MLLT3: variants seen among roughly 807,000 people sequenced by gnomAD.
MLLT3 encodes the protein protein AF-9.
Under a neutral mutation model 53.2 loss-of-function variants are expected in MLLT3, and 4 were observed. The ratio of observed to expected loss-of-function variants is 0.08; its 90% CI spans 0.04 to 0.17. MLLT3 has a LOEUF of 0.17. MLLT3 is among the 10% of genes least tolerant of loss of function. The probability of loss-of-function intolerance (pLI) is 1.00; values close to 1 mark genes in which losing one functional copy is unlikely to be tolerated. For missense variants in MLLT3, 569 were observed against 684.0 expected (o/e 0.83, Z 1.87); for synonymous variants, 283 against 230.6 (o/e 1.23, Z -2.06).
At chr9:20,542,785 T>C (rs1011459852) in intron 2 of MLLT3, among the ~76,000 whole-genome samples, 1 of 152,226 alleles carries the variant, frequency 6.6e-6, no homozygotes, top group African/African-American at 2.4e-5. Flanking sequence ...AAGCTAGGCA[T>C]TGACTCCTCA....
At chr9:20,509,333 A>C (rs999617732) in intron 2 of MLLT3, among the ~76,000 whole-genome samples, 3 of 152,208 alleles carry the variant, frequency 2.0e-5, no homozygotes, top group Admixed American at 6.5e-5. Context: ...ACTGAAAGGT[A>C]TATTTATTCT....
intron 2 of MLLT3, among the ~76,000 whole-genome samples, chr9:20,506,966 T>G (rs754275871): frequency 8.5e-5 from 13 of 152,194 alleles, no homozygotes; most frequent in Non-Finnish European, 1.8e-4. Flanking sequence ...AAAACGAATC[T>G]TTCTCAAACA....
rs182082159 is a variant in MLLT3 at position 20,586,491 on chromosome 9, G to C, written c.193+34163C>G. ...CGTACATAACCCCTAGAAAATCACT[G>C]GGGGGCTTAGGGGTGGCAGTGGACT... is the stretch of plus-strand genomic sequence containing the variant. On this transcript the variant is annotated intron_variant, in intron 2 of 10. Transcript: ENST00000380338. 9.8e-4 allele frequency among the ~76,000 whole-genome samples: 149 copies of C among 152,004 alleles called. 1 individual carries two copies. The highest frequency in any genetic ancestry group is 6.9e-3 in the Middle Eastern group (2 of 288).
At chr9:20,412,449 C>T (rs561370859) in intron 5 of MLLT3, among the ~76,000 whole-genome samples, 34 of 152,206 alleles carry the variant, frequency 2.2e-4, no homozygotes, top group Admixed American at 7.8e-4. Flanking sequence ...ACCAAAATTT[C>T]GAGATTAGCT....
chr9:20,578,715 T>C (rs1037814883), intron 2 of MLLT3, among the ~76,000 whole-genome samples: 2 of 152,030 alleles, frequency 1.3e-5, no homozygotes, highest in African/African-American at 2.4e-5. Flanking sequence ...TATGATCAAT[T>C]ACTAGAAAAC....
At chr9:20,488,074 A>AAATCTG (rs1824857280) in intron 2 of MLLT3, among the ~76,000 whole-genome samples, 1 of 152,146 alleles carries the variant, frequency 6.6e-6, no homozygotes. Flanking sequence ...TAAATAAATT[A>AAATCTG]AATCTGATAC....
intron 2 of MLLT3, among the ~76,000 whole-genome samples, chr9:20,479,303 T>G (rs1824604268): frequency 6.6e-6 from 1 of 152,158 alleles, no homozygotes; most frequent in African/African-American, 2.4e-5. Context: ...GCAATTACTG[T>G]GAAGGGGTAT....
chr9:20,575,201 G>A (rs901935189), intron 2 of MLLT3, among the ~76,000 whole-genome samples: 3 of 152,024 alleles, frequency 2.0e-5, no homozygotes, highest in Non-Finnish European at 2.9e-5. Flanking sequence ...ACTCCTATTC[G>A]TGTTAATGTT....
chr9:20,347,400 C>T (rs1374237099), intron 10 of MLLT3, among the ~76,000 whole-genome samples: 4 of 152,008 alleles, frequency 2.6e-5, no homozygotes, highest in African/African-American at 9.7e-5. Context: ...GAAAGGATGC[C>T]TTTGTCTTGT....
intron 5 of MLLT3, among the ~76,000 whole-genome samples, chr9:20,399,040 A>G (rs1159006640): frequency 2.0e-5 from 3 of 152,138 alleles, no homozygotes; most frequent in African/African-American, 7.2e-5. Context: ...AATTTATGCA[A>G]CTTGCTTACT....
At chr9:20,510,849 A>G (rs1825517376) in intron 2 of MLLT3, among the ~76,000 whole-genome samples, 1 of 152,178 alleles carries the variant, frequency 6.6e-6, no homozygotes, top group Non-Finnish European at 1.5e-5. Flanking sequence ...GAACTAAAGC[A>G]CCAGCATTTA....
rs78969198 is a variant in MLLT3, at chr9:20,545,342, G to A, written c.193+75312C>T. Among the ~76,000 whole-genome samples, 1,625 of 152,244 alleles carry A rather than the reference G, an allele frequency of 0.011. 65 individuals are homozygous for A. In the East Asian group the frequency reaches 0.15, roughly 14 times the overall value. On this transcript the variant is annotated intron_variant, in intron 2 of 10. Coordinates refer to ENST00000380338, the MANE Select transcript of MLLT3 (RefSeq NM_004529.4). ...TACCACATGATCCCACTTACATGAG[G>A]CATTTACAGTGGTCAAACTCACAGA... is the stretch of plus-strand genomic sequence containing the variant.
intron 7 of MLLT3, among the ~76,000 whole-genome samples, chr9:20,362,050 G>A (rs1420723543): frequency 6.6e-6 from 1 of 152,220 alleles, no homozygotes; most frequent in African/African-American, 2.4e-5. Context: ...TTTAAAATGT[G>A]TCTTGAGTGA....
Position 20,533,331 on chromosome 9 carries a change from C to G in MLLT3, c.194-76545G>C, listed in dbSNP as rs550222884. 31 of 282,094 alleles carry G rather than the reference C, an allele frequency of 1.1e-4. No homozygotes were observed. In the South Asian group the frequency reaches 1.3e-3, roughly 12 times the overall value. 17.5% of individuals were successfully genotyped at this position (282,094 alleles called of 1,614,324 possible). ...AAAGGCTAAAGAACTTGCCACCAAA[C>G]TGGGTTAAATGTACACTGTTGAGTT... On this transcript the variant is annotated intron_variant, in intron 2 of 10. Coordinates refer to ENST00000380338, the MANE Select transcript of MLLT3 (RefSeq NM_004529.4).
intron 2 of MLLT3, among the ~76,000 whole-genome samples, chr9:20,498,962 C>A (rs919011143): frequency 6.6e-6 from 1 of 152,144 alleles, no homozygotes; most frequent in African/African-American, 2.4e-5. Flanking sequence ...GGAATTTAAC[C>A]ATTCATGCTA....
At chr9:20,527,074 A>C (rs1818221592) in intron 2 of MLLT3, among the ~76,000 whole-genome samples, 1 of 152,170 alleles carries the variant, frequency 6.6e-6, no homozygotes, top group Non-Finnish European at 1.5e-5. Flanking sequence ...TATGAACATG[A>C]TACACACAGG....
intron 2 of MLLT3, among the ~76,000 whole-genome samples, chr9:20,547,644 CAA>C (rs71334534): frequency 8.1e-6 from 1 of 122,810 alleles, no homozygotes. Context: ...AACTCCATCT[CAA>C]AAAAAAAAAA....
intron 8 of MLLT3, among the ~76,000 whole-genome samples, chr9:20,357,998 C>CACACACACAG (rs1289316887): frequency 6.7e-6 from 1 of 148,466 alleles, no homozygotes; most frequent in African/African-American, 2.6e-5. Flanking sequence ...CACACACACA[C>CACACACACAG]ACACACACAC....
At chr9:20,401,033 G>T (rs1026215344) in intron 5 of MLLT3, among the ~76,000 whole-genome samples, 1 of 152,062 alleles carries the variant, frequency 6.6e-6, no homozygotes, top group Non-Finnish European at 1.5e-5. Flanking sequence ...CAAACTAAGC[G>T]CTGAATAGAA....
Sources: gnomAD v4.1 joint callset for allele counts (sites outside exome capture counted in the v4.1 genomes callset) on GRCh38, gnomAD v4.1.1 for gene constraint, MANE v1.5 for transcripts, NCBI Gene and HGNC (gene_info 2026-07-23, HGNC 2026-07-21) for gene names.